The following GLIS3 variants were observed in gnomAD, a reference collection of about 807,000 sequenced individuals.
GLIS3 encodes the protein zinc finger protein GLIS3.
In GLIS3, 53 loss-of-function variants were observed where a neutral mutation model predicts 78.6. That is an observed-to-expected ratio of 0.67 (90% confidence interval 0.54 to 0.85). The LOEUF is 0.85. GLIS3 is among the 40% of genes least tolerant of loss of function. The pLI is 0.00. For missense variants in GLIS3, 1,703 were observed against 1,231.1 expected (o/e 1.38, Z -5.74); for synonymous variants, 684 against 509.9 (o/e 1.34, Z -4.60).
chr9:4,062,815 G>A (rs1826764525), intron 4 of GLIS3, among the ~76,000 whole-genome samples: 1 of 152,056 alleles, frequency 6.6e-6, no homozygotes, highest in South Asian at 2.1e-4. Flanking sequence ...TGTAGTCCCA[G>A]CTACTTGGGA....
intron 2 of GLIS3, among the ~76,000 whole-genome samples, chr9:4,264,460 G>T (rs960984049): frequency 2.6e-5 from 4 of 152,166 alleles, no homozygotes; most frequent in Admixed American, 6.5e-5. Flanking sequence ...GTTACATCAT[G>T]TTAATTCTTT....
the GLIS3 span, among the ~76,000 whole-genome samples, chr9:4,482,173 C>G: frequency 0.12 from 18,640 of 152,128 alleles, 1,217 homozygotes; most frequent in Middle Eastern, 0.17. Flanking sequence ...AGACAGAGAA[C>G]TTTTCTTTCA....
chr9:4,187,854 G>C (rs1338631369), intron 2 of GLIS3, among the ~76,000 whole-genome samples: 1 of 152,098 alleles, frequency 6.6e-6, no homozygotes, highest in Non-Finnish European at 1.5e-5. Context: ...TTTGTATCCT[G>C]AGACTTTGCT....
chr9:4,199,679 A>G (rs1819189020), intron 2 of GLIS3, among the ~76,000 whole-genome samples: 1 of 152,112 alleles, frequency 6.6e-6, no homozygotes, highest in Non-Finnish European at 1.5e-5. Context: ...AGACCTACAA[A>G]AAAGACTTAG....
At chr9:4,452,978 G>C in the GLIS3 span, among the ~76,000 whole-genome samples, 2 of 152,058 alleles carry the variant, frequency 1.3e-5, no homozygotes, top group Non-Finnish European at 2.9e-5. Flanking sequence ...TAGACCAATG[G>C]AACAGAACAG....
At chr9:3,874,635 C>T (rs1054051558) in intron 8 of GLIS3, among the ~76,000 whole-genome samples, 6 of 152,130 alleles carry the variant, frequency 3.9e-5, no homozygotes, top group African/African-American at 7.2e-5. Flanking sequence ...ATCTGACACT[C>T]TCTCCAAGTA....
At position 4,290,185 on chromosome 9, in the gene GLIS3, T is replaced by A. The variant is rs78262741; in HGVS notation, c.-98-3662A>T. 9.2e-3 allele frequency among the ~76,000 whole-genome samples: 1,405 copies of A among 152,282 alleles called. 99 individuals are homozygous for A. Among genetic ancestry groups the A allele is most frequent in the Admixed American group, 0.071 (1,083 of 15,298 alleles). The stretch of plus-strand genomic sequence containing the variant: ...GTCATAACTCATCTGATGAGCCAGT[T>A]AATTATTAATTTTCATACATCATTT... On this transcript the variant is annotated intron_variant, in intron 1 of 10. Coordinates refer to ENST00000381971, the MANE Select transcript of GLIS3 (RefSeq NM_001042413.2).
At chr9:4,008,209 T>C (rs1418620583) in intron 4 of GLIS3, among the ~76,000 whole-genome samples, 3 of 152,076 alleles carry the variant, frequency 2.0e-5, no homozygotes, top group Non-Finnish European at 4.4e-5. Context: ...ATCCCTGAGG[T>C]TCATTTCCAC....
chr9:4,141,515 A>G (rs1164998336), intron 2 of GLIS3, among the ~76,000 whole-genome samples: 1 of 152,172 alleles, frequency 6.6e-6, no homozygotes, highest in Non-Finnish European at 1.5e-5. Flanking sequence ...GCTCTCTACA[A>G]ACACCCTGGG....
At chr9:4,172,155 G>A (rs987188775) in intron 2 of GLIS3, among the ~76,000 whole-genome samples, 1 of 152,150 alleles carries the variant, frequency 6.6e-6, no homozygotes, top group Admixed American at 6.6e-5. Context: ...TCACATTCAG[G>A]CTTGGAATAA....
intron 4 of GLIS3, among the ~76,000 whole-genome samples, chr9:4,306,262 G>GA (rs386414349): frequency 8.4e-5 from 1 of 11,894 alleles, no homozygotes; most frequent in Admixed American, 4.8e-4. Flanking sequence ...TGTAGAGGCA[G>GA]GGGGGTCTCG....
At chr9:3,932,325 C>A (rs1385279112) in intron 6 of GLIS3, 35 bp downstream of exon 6, 1 of 1,499,924 alleles carries the variant, frequency 6.7e-7, no homozygotes. Context: ...TCTGAACATG[C>A]TTTTCCCGAC....
chr9:4,368,920 G>A, the GLIS3 span, among the ~76,000 whole-genome samples: 6 of 152,162 alleles, frequency 3.9e-5, no homozygotes, highest in African/African-American at 1.4e-4. Context: ...GCTCTTCAAT[G>A]AGAATAATCT....
chr9:4,200,435 G>C (rs896415560), intron 2 of GLIS3, among the ~76,000 whole-genome samples: 5 of 151,916 alleles, frequency 3.3e-5, no homozygotes, highest in Admixed American at 3.3e-4. Flanking sequence ...AAAAAACAGA[G>C]AAGATCCAAA....
chr9:3,872,116 A>G (rs1821008044), intron 8 of GLIS3, among the ~76,000 whole-genome samples: 1 of 152,230 alleles, frequency 6.6e-6, no homozygotes, highest in Non-Finnish European at 1.5e-5. Context: ...ACGTAACAAG[A>G]GTCACCTTTG....
chr9:4,419,598 T>G, the GLIS3 span, among the ~76,000 whole-genome samples: 1 of 151,970 alleles, frequency 6.6e-6, no homozygotes, highest in Non-Finnish European at 1.5e-5. Flanking sequence ...AAGCCAATAT[T>G]GTGAAACCCC....
chr9:3,842,952 G>C (rs569728985), intron 9 of GLIS3, among the ~76,000 whole-genome samples: 30 of 152,288 alleles, frequency 2.0e-4, no homozygotes, highest in Non-Finnish European at 4.3e-4. Context: ...TTGGGGATAA[G>C]GTGGTGATGA....
the GLIS3 span, among the ~76,000 whole-genome samples, chr9:4,387,243 G>C: frequency 6.6e-6 from 1 of 152,108 alleles, no homozygotes. Context: ...ATTTTGGTTT[G>C]GTTTGTTGGG....
intron 4 of GLIS3, among the ~76,000 whole-genome samples, chr9:4,033,174 T>G (rs964180175): frequency 6.6e-6 from 1 of 152,152 alleles, no homozygotes; most frequent in African/African-American, 2.4e-5. Flanking sequence ...TTCTTGAACT[T>G]CTCAGAGTTC....
Sources: allele counts gnomAD v4.1 joint callset (sites outside exome capture counted in the v4.1 genomes callset), GRCh38; gene constraint gnomAD v4.1.1; transcripts MANE v1.5; gene names NCBI Gene and HGNC (gene_info 2026-07-23, HGNC 2026-07-21).